The following BTBD7 variants were observed in gnomAD, a reference collection of about 807,000 sequenced individuals.
The protein encoded by BTBD7 is BTB/POZ domain-containing protein 7.
BTBD7 carries 38 observed loss-of-function variants against 99.9 expected under a neutral mutation model. The ratio of observed to expected loss-of-function variants is 0.38; its 90% CI spans 0.29 to 0.50. The LOEUF is 0.50. Among genes scored for constraint, BTBD7 ranks in the 20% least tolerant of loss-of-function variants. BTBD7 has a pLI of 0.93. For missense variants in BTBD7, 1,170 were observed against 1,394.6 expected, an observed-to-expected ratio of 0.84 and a Z score of 2.57; for synonymous variants, 520 against 511.4, an observed-to-expected ratio of 1.02 and a Z score of -0.23.
At chr14:93,265,993 C>T (rs571306079) in intron 3 of BTBD7, among the ~76,000 whole-genome samples, 6 of 152,220 alleles carry the variant, frequency 3.9e-5, no homozygotes, top group African/African-American at 1.4e-4. Context: ...CTTCAGATGA[C>T]CCCAAACTTG....
chr14:93,316,867 G>T (rs755607162), intron 1 of BTBD7, among the ~76,000 whole-genome samples: 30 of 152,244 alleles, frequency 2.0e-4, no homozygotes, highest in Non-Finnish European at 4.0e-4. Flanking sequence ...CTTAGTACTA[G>T]ATTAAATCTG....
At chr14:93,312,390 T>C (rs1317867507) in intron 1 of BTBD7, among the ~76,000 whole-genome samples, 1 of 152,214 alleles carries the variant, frequency 6.6e-6, no homozygotes, top group African/African-American at 2.4e-5. Context: ...CAATTCTTTT[T>C]CAAATAGAAA....
intron 1 of BTBD7, among the ~76,000 whole-genome samples, chr14:93,300,772 G>GTGTGTGTGTGTGTGTGTGTA (rs1438410480): frequency 1.5e-5 from 1 of 67,886 alleles, no homozygotes; most frequent in Non-Finnish European, 2.6e-5. Context: ...GTGTGTGTGT[G>GTGTGTGTGTGTGTGTGTGTA]TATATATATA....
At chr14:93,298,046 T>C (rs1411991256) in intron 1 of BTBD7, among the ~76,000 whole-genome samples, 1 of 146,198 alleles carries the variant, frequency 6.8e-6, no homozygotes, top group Non-Finnish European at 1.5e-5. Flanking sequence ...GATTATTATT[T>C]CTTTTTTTTG....
Position 93,242,164 on chromosome 14 carries a change from GT to G in BTBD7, c.*108del. The G allele has an allele frequency of 2.1e-6, 2 of 975,514 alleles. No individual in the cohort carries two copies. The highest frequency in any genetic ancestry group is 3.0e-6 in the Non-Finnish European group (2 of 655,778). 60.4% of individuals were successfully genotyped at this position (975,514 alleles called of 1,614,324 possible). On this transcript the variant is annotated 3_prime_UTR_variant, in exon 11 of 11. Coordinates refer to ENST00000334746, the MANE Select transcript of BTBD7 (RefSeq NM_001002860.4). The stretch of plus-strand genomic sequence containing the variant: ...TACACAAAAACTAGAACAAAATCAT[GT>G]GAAACCGAGTTATCAGCTGGCATTG...
At chr14:93,259,788 G>C (rs1454711157) in intron 5 of BTBD7, among the ~76,000 whole-genome samples, 2 of 152,032 alleles carry the variant, frequency 1.3e-5, no homozygotes, top group Admixed American at 1.3e-4. Flanking sequence ...ACAAAAATTA[G>C]CCACGCGTGG....
rs2052441020 is a variant in BTBD7 at position 93,257,287 on chromosome 14, T to G, written c.1516A>C (p.Met506Leu). Residue 506 changes from methionine to leucine, a missense_variant, in exon 6 of 11, where the codon ATG (methionine) becomes CTG (leucine). Met to Leu is a conservative substitution (Grantham distance 15). Around this residue, in one of 4 missense-constraint regions of BTBD7, gnomAD observed 309 missense variants for 342.0 expected, o/e 0.90. Coordinates refer to ENST00000334746, the MANE Select transcript of BTBD7 (RefSeq NM_001002860.4). ...KRGVKRRDLD[M>L]EELREILSSL... The stretch of plus-strand genomic sequence containing the variant: ...GAAAGGATCTCTCTGAGCTCTTCCA[T>G]GTCCAGGTCCCGTCTTTTTACACCT... The G allele has an allele frequency of 3.1e-6, 5 of 1,614,182 alleles. No homozygotes were observed. In the East Asian group the frequency reaches 1.1e-4, roughly 36 times the overall value.
intron 5 of BTBD7, among the ~76,000 whole-genome samples, chr14:93,260,238 C>T (rs1022657848): frequency 6.6e-6 from 1 of 152,054 alleles, no homozygotes; most frequent in Non-Finnish European, 1.5e-5. Flanking sequence ...CACTTCAAAC[C>T]GGTGAACTTT....
chr14:93,269,906 C>T (rs2052583170), intron 3 of BTBD7, among the ~76,000 whole-genome samples: 2 of 152,074 alleles, frequency 1.3e-5, no homozygotes, highest in African/African-American at 2.4e-5. Context: ...ACACAGCCAC[C>T]CCTGCTGATC....
intron 3 of BTBD7, 62 bp from the exon 4 acceptor site, chr14:93,264,055 G>A: frequency 4.9e-6 from 7 of 1,438,818 alleles, no homozygotes; most frequent in Non-Finnish European, 6.8e-6. Context: ...GAACATTAGT[G>A]TGCTAGGCAC....
intron 3 of BTBD7, among the ~76,000 whole-genome samples, chr14:93,287,289 G>C (rs984733584): frequency 2.0e-5 from 3 of 151,242 alleles, no homozygotes; most frequent in African/African-American, 7.3e-5. Context: ...TAAAAAGTCT[G>C]GTAGTAACAC....
rs75561855 is a variant in BTBD7 at position 93,279,025 on chromosome 14, T to C, written c.1162+14833A>G. Among the ~76,000 whole-genome samples, 282 of 152,350 alleles carry C rather than the reference T, an allele frequency of 1.9e-3. 2 individuals carry two copies. In the East Asian group the frequency reaches 0.034, roughly 19 times the overall value. ...TTTTAAAAAGAATTAGTAATTTTGA[T>C]ATAAAATTTACAGATTTCATCTACT... On this transcript the variant is annotated intron_variant, in intron 3 of 10. Coordinates refer to ENST00000334746, the MANE Select transcript of BTBD7 (RefSeq NM_001002860.4).
intron 3 of BTBD7, among the ~76,000 whole-genome samples, chr14:93,284,791 T>C (rs1004599675): frequency 1.3e-5 from 2 of 152,126 alleles, no homozygotes. Flanking sequence ...GAGTTCGGTC[T>C]TAAAGGTTAG....
rs528509455 is a variant in BTBD7, at chr14:93,264,737, T to C, written c.1163-744A>G. On this transcript the variant is annotated intron_variant, in intron 3 of 10. Coordinates refer to ENST00000334746, the MANE Select transcript of BTBD7 (RefSeq NM_001002860.4). ...CTAAAGTTGAACAGAAATTTTTCAT[T>C]AAGCTTACTATAAAACAAAAAACAA... Among the ~76,000 whole-genome samples the C allele has an allele frequency of 5.9e-5, 9 of 152,296 alleles. No individual in the cohort carries two copies. In the South Asian group the frequency reaches 1.9e-3, roughly 32 times the overall value.
At chr14:93,306,042 A>G (rs1177266607) in intron 1 of BTBD7, among the ~76,000 whole-genome samples, 1 of 152,246 alleles carries the variant, frequency 6.6e-6, no homozygotes, top group Non-Finnish European at 1.5e-5. Flanking sequence ...TTAAGTTCCC[A>G]ACACATGCAA....
Position 93,257,362 on chromosome 14 carries a change from G to A in BTBD7, c.1448-7C>T. On this transcript the variant is annotated splice_region_variant and splice_polypyrimidine_tract_variant and intron_variant, in intron 5 of 10. Coordinates refer to ENST00000334746, the MANE Select transcript of BTBD7 (RefSeq NM_001002860.4). The stretch of plus-strand genomic sequence containing the variant: ...CCACTCAGTAAGTTTGGCTCTATGA[G>A]ACAGAAAATGAAAAGTTTCCAACCA... 1 of 1,586,574 alleles carries A rather than the reference G, an allele frequency of 6.3e-7. No homozygotes were observed. The highest frequency in any genetic ancestry group is 8.5e-7 in the Non-Finnish European group (1 of 1,170,044).
chr14:93,272,084 C>T (rs2052606978), intron 3 of BTBD7, among the ~76,000 whole-genome samples: 1 of 151,934 alleles, frequency 6.6e-6, no homozygotes, highest in Non-Finnish European at 1.5e-5. Context: ...TTTGGGAGGC[C>T]GAGGTGGGCG....
intron 3 of BTBD7, among the ~76,000 whole-genome samples, chr14:93,271,441 T>C (rs949124255): frequency 3.3e-5 from 5 of 151,954 alleles, no homozygotes; most frequent in African/African-American, 1.2e-4. Context: ...TAAAACAAGA[T>C]CGTAAGTTTA....
intron 3 of BTBD7, among the ~76,000 whole-genome samples, chr14:93,287,225 T>A: frequency 7.7e-6 from 1 of 129,684 alleles, no homozygotes; most frequent in Non-Finnish European, 1.5e-5. Context: ...CGAGACTCTG[T>A]CTCAAAAAAA....
Sources: allele counts gnomAD v4.1 joint callset (sites outside exome capture counted in the v4.1 genomes callset), GRCh38; gene constraint gnomAD v4.1.1; regional missense constraint gnomAD v4.1.1; transcripts MANE v1.5; gene names NCBI Gene and HGNC (gene_info 2026-07-23, HGNC 2026-07-21).